HS3ST5: variants seen among roughly 807,000 people sequenced by gnomAD.
HS3ST5 encodes heparan sulfate glucosamine 3-O-sulfotransferase 5.
Under a neutral mutation model 25.4 loss-of-function variants are expected in HS3ST5, and 10 were observed. The ratio of observed to expected loss-of-function variants is 0.39; its 90% CI spans 0.24 to 0.67. HS3ST5 has a LOEUF of 0.67. Among genes scored for constraint, HS3ST5 ranks in the 30% least tolerant of loss-of-function variants. The pLI is 0.44. For missense variants in HS3ST5, 324 were observed against 420.7 expected (o/e 0.77, Z 2.01); for synonymous variants, 170 against 162.4 (o/e 1.05, Z -0.36).
chr6:114,298,370 C>T (rs538330950), intron 1 of HS3ST5, among the ~76,000 whole-genome samples: 3 of 152,174 alleles, frequency 2.0e-5, no homozygotes, highest in Admixed American at 6.5e-5. Context: ...TTCTGTAACA[C>T]AAAACAATAA....
intron 1 of HS3ST5, among the ~76,000 whole-genome samples, chr6:114,272,592 A>G (rs1409784992): frequency 2.0e-5 from 3 of 152,004 alleles, no homozygotes; most frequent in African/African-American, 7.2e-5. Flanking sequence ...TCCATTTTCA[A>G]CTCCATAGTA....
chr6:114,119,517 TAGG>T (rs1776681072), intron 3 of HS3ST5, among the ~76,000 whole-genome samples: 1 of 152,140 alleles, frequency 6.6e-6, no homozygotes, highest in Non-Finnish European at 1.5e-5. Context: ...ATGAAAAACC[TAGG>T]AGATTAAGTA....
intron 1 of HS3ST5, 127 bp from the exon 2 acceptor site, chr6:114,228,905 AGT>A (rs752988694): frequency 6.6e-6 from 1 of 152,260 alleles, no homozygotes; most frequent in Non-Finnish European, 1.5e-5. Context: ...GATTTAGCAG[AGT>A]TGTCATTTAA....
At chr6:114,256,662 A>T (rs1441131617) in intron 1 of HS3ST5, among the ~76,000 whole-genome samples, 1 of 152,186 alleles carries the variant, frequency 6.6e-6, no homozygotes, top group East Asian at 1.9e-4. Context: ...CCATATCATT[A>T]TCAGTATTTT....
At chr6:114,211,576 A>G (rs182868021) in intron 2 of HS3ST5, among the ~76,000 whole-genome samples, 18 of 152,346 alleles carry the variant, frequency 1.2e-4, no homozygotes, top group Admixed American at 3.3e-4. Context: ...ACTCATGAAT[A>G]TATTTCCTAA....
At chr6:114,281,401 A>C (rs117281271) in intron 1 of HS3ST5, among the ~76,000 whole-genome samples, 3 of 152,150 alleles carry the variant, frequency 2.0e-5, no homozygotes, top group Non-Finnish European at 2.9e-5. Flanking sequence ...TGTAGTGAAA[A>C]GTTTCTTTAA....
chr6:114,331,402 T>C (rs1776389015), intron 1 of HS3ST5, among the ~76,000 whole-genome samples: 1 of 152,208 alleles, frequency 6.6e-6, no homozygotes, highest in African/African-American at 2.4e-5. Flanking sequence ...GAATATAATA[T>C]ACACATAATT....
chr6:114,102,728 T>A (rs1775794223), intron 3 of HS3ST5, among the ~76,000 whole-genome samples: 1 of 152,174 alleles, frequency 6.6e-6, no homozygotes, highest in Admixed American at 6.6e-5. Context: ...TTAAAATACA[T>A]CATAATGCTA....
chr6:114,217,986 T>C (rs1781848225), intron 2 of HS3ST5, among the ~76,000 whole-genome samples: 1 of 152,040 alleles, frequency 6.6e-6, no homozygotes, highest in African/African-American at 2.4e-5. Context: ...ACTACATACG[T>C]ATTTCTTCTT....
chr6:114,231,249 A>G (rs1771575127), intron 1 of HS3ST5: 1 of 152,152 alleles, frequency 6.6e-6, no homozygotes. Flanking sequence ...TGTAAATAGC[A>G]CTATCAGTCA....
At chr6:114,285,897 C>T (rs1223275964) in intron 1 of HS3ST5, among the ~76,000 whole-genome samples, 1 of 151,796 alleles carries the variant, frequency 6.6e-6, no homozygotes, top group African/African-American at 2.4e-5. Flanking sequence ...GTGGTGAAGT[C>T]AATTGCTAAT....
intron 3 of HS3ST5, among the ~76,000 whole-genome samples, chr6:114,120,822 A>G (rs564292708): frequency 6.6e-6 from 1 of 152,284 alleles, no homozygotes; most frequent in East Asian, 1.9e-4. Flanking sequence ...GAAATTTCTT[A>G]TTTTTAAGAG....
At chr6:114,260,089 A>C (rs1196045277) in intron 1 of HS3ST5, among the ~76,000 whole-genome samples, 1 of 152,202 alleles carries the variant, frequency 6.6e-6, no homozygotes, top group Non-Finnish European at 1.5e-5. Flanking sequence ...TTCATGTAAC[A>C]AAATTATATT....
chr6:114,079,781 CT>C (rs1165892321), intron 3 of HS3ST5, among the ~76,000 whole-genome samples: 1 of 151,944 alleles, frequency 6.6e-6, no homozygotes, highest in Non-Finnish European at 1.5e-5. Context: ...CTTTTCTTTT[CT>C]TTTTTGAGAC....
intron 3 of HS3ST5, among the ~76,000 whole-genome samples, chr6:114,103,419 G>A (rs1775827929): frequency 6.6e-6 from 1 of 151,748 alleles, no homozygotes. Flanking sequence ...GTGCAAAAGG[G>A]GAAAAATGAG....
intron 2 of HS3ST5, among the ~76,000 whole-genome samples, chr6:114,208,771 C>T (rs1443591268): frequency 6.6e-6 from 1 of 152,158 alleles, no homozygotes; most frequent in Non-Finnish European, 1.5e-5. Flanking sequence ...TTAGCTCTCT[C>T]AATTTTGAGA....
intron 1 of HS3ST5, among the ~76,000 whole-genome samples, chr6:114,334,645 C>T (rs749063629): frequency 6.6e-6 from 1 of 152,198 alleles, no homozygotes; most frequent in Non-Finnish European, 1.5e-5. Flanking sequence ...ACATGCTATA[C>T]AGGTTTGAAG....
At chr6:114,335,981 A>T (rs1261205188) in intron 1 of HS3ST5, among the ~76,000 whole-genome samples, 1 of 152,168 alleles carries the variant, frequency 6.6e-6, no homozygotes, top group Non-Finnish European at 1.5e-5. Flanking sequence ...TTCTGTGTTC[A>T]GCATAGGCCT....
At chr6:114,240,255 A>G (rs947737726) in intron 1 of HS3ST5, among the ~76,000 whole-genome samples, 6 of 152,188 alleles carry the variant, frequency 3.9e-5, no homozygotes, top group Non-Finnish European at 5.9e-5. Context: ...GGTAGTTTTC[A>G]GCCTTCATCA....
Sources: allele counts gnomAD v4.1 joint callset (sites outside exome capture counted in the v4.1 genomes callset), GRCh38; gene constraint gnomAD v4.1.1; transcripts MANE v1.5; gene names NCBI Gene and HGNC (gene_info 2026-07-23, HGNC 2026-07-21).